The following TGFBRAP1 variants were observed in gnomAD, a reference collection of about 807,000 sequenced individuals.
The protein encoded by TGFBRAP1 is transforming growth factor-beta receptor-associated protein 1.
TGFBRAP1 carries 20 observed loss-of-function variants against 83.2 expected under a neutral mutation model. That is an observed-to-expected ratio of 0.24 (90% CI 0.17 to 0.35). The LOEUF (loss-of-function observed/expected upper bound fraction) is 0.35. Ranked by LOEUF, TGFBRAP1 falls within the 10% of genes least tolerant of loss-of-function variation. The probability of loss-of-function intolerance (pLI) is 1.00; values close to 1 mark genes in which losing one functional copy is unlikely to be tolerated. For missense variants in TGFBRAP1, 950 were observed against 1,099.4 expected (o/e 0.86, Z 1.92); for synonymous variants, 415 against 459.8 (o/e 0.90, Z 1.25).
At chr2:105,294,522 C>T (rs1312659350) in intron 4 of TGFBRAP1, among the ~76,000 whole-genome samples, 1 of 152,056 alleles carries the variant, frequency 6.6e-6, no homozygotes, top group African/African-American at 2.4e-5. Flanking sequence ...CTGTTAAAAA[C>T]GTGGGCAAAA....
rs751839912 is a variant in TGFBRAP1 at position 105,277,587 on chromosome 2, A to G, written c.1521+27T>C. 4 of 1,612,400 alleles carry G rather than the reference A, an allele frequency of 2.5e-6. No homozygotes were observed. The South Asian group carries it at 4.4e-5, about 18-fold the overall frequency. ...TTACTTACATGGTGCTGATTTTTAA[A>G]TCATGTGGAAACCCTTCTAGACTCA... On this transcript the variant is annotated intron_variant, in intron 7 of 11. Coordinates refer to ENST00000393359, the MANE Select transcript of TGFBRAP1 (RefSeq NM_004257.6).
chr2:105,259,172 G>A, the TGFBRAP1 span, among the ~76,000 whole-genome samples: 2 of 152,328 alleles, frequency 1.3e-5, no homozygotes, highest in South Asian at 2.1e-4. Flanking sequence ...TGCAATGCAG[G>A]TGTGGAAATA....
intron 4 of TGFBRAP1, among the ~76,000 whole-genome samples, chr2:105,285,498 G>T (rs1677685027): frequency 6.6e-6 from 1 of 152,166 alleles, no homozygotes; most frequent in African/African-American, 2.4e-5. Context: ...TTAAAACCAG[G>T]CCTTTCTGAT....
intron 1 of TGFBRAP1, among the ~76,000 whole-genome samples, chr2:105,314,113 A>C (rs1678776802): frequency 6.6e-6 from 1 of 152,112 alleles, no homozygotes; most frequent in Non-Finnish European, 1.5e-5. Flanking sequence ...AAGACAAGTG[A>C]AGACACAGAA....
chr2:105,308,775 C>A (rs200057300), intron 1 of TGFBRAP1, among the ~76,000 whole-genome samples: 3 of 150,654 alleles, frequency 2.0e-5, no homozygotes, highest in Non-Finnish European at 4.4e-5. Flanking sequence ...AAAAAAAAAA[C>A]AAAAAGGATT....
Position 105,311,344 on chromosome 2 carries a change from A to G in TGFBRAP1, c.-17-3026T>C, listed in dbSNP as rs1678685583. Reference sequence around the variant, plus strand: ...AATTAAATGGTAATAATGCAGAATTACATGGAGGTAAATGAAAGCTGAAGA... The same window carrying G: ...AATTAAATGGTAATAATGCAGAATTGCATGGAGGTAAATGAAAGCTGAAGA... On this transcript the variant is annotated intron_variant, in intron 1 of 11. Coordinates refer to ENST00000393359, the MANE Select transcript of TGFBRAP1 (RefSeq NM_004257.6). Among the ~76,000 whole-genome samples the G allele has an allele frequency of 2.6e-5, 4 of 152,320 alleles. No homozygotes were observed. The South Asian group carries it at 8.3e-4, about 32-fold the overall frequency.
At chr2:105,254,910 C>G in the TGFBRAP1 span, among the ~76,000 whole-genome samples, 1 of 152,124 alleles carries the variant, frequency 6.6e-6, no homozygotes, top group East Asian at 1.9e-4. Flanking sequence ...CCATCTGAAG[C>G]CAGGAAGAGA....
chr2:105,321,797 G>A (rs116613894), intron 1 of TGFBRAP1, among the ~76,000 whole-genome samples: 12 of 152,316 alleles, frequency 7.9e-5, no homozygotes, highest in African/African-American at 2.9e-4. Context: ...GGTGTTGCTG[G>A]CGTACACTAA....
intron 1 of TGFBRAP1, among the ~76,000 whole-genome samples, chr2:105,311,996 A>C (rs560781752): frequency 6.6e-6 from 1 of 152,282 alleles, no homozygotes; most frequent in Admixed American, 6.5e-5. Context: ...ATATTTACTT[A>C]GATAAAATAT....
intron 4 of TGFBRAP1, among the ~76,000 whole-genome samples, chr2:105,291,623 A>G (rs984657352): frequency 1.3e-5 from 2 of 152,214 alleles, no homozygotes; most frequent in East Asian, 1.9e-4. Flanking sequence ...ATGCTGCAAC[A>G]TGGATGAAGC....
At chr2:105,320,819 A>G (rs1679033740) in intron 1 of TGFBRAP1, among the ~76,000 whole-genome samples, 1 of 152,256 alleles carries the variant, frequency 6.6e-6, no homozygotes, top group Non-Finnish European at 1.5e-5. Flanking sequence ...AAGGGATTTC[A>G]GTAAACACTA....
intron 10 of TGFBRAP1, among the ~76,000 whole-genome samples, chr2:105,270,522 A>AAG (rs1210146253): frequency 6.6e-6 from 1 of 152,214 alleles, no homozygotes; most frequent in African/African-American, 2.4e-5. Context: ...TTACATCCTC[A>AAG]AGAGATTATA....
intron 2 of TGFBRAP1, 145 bp from the exon 3 acceptor site, chr2:105,298,850 A>G (rs1678183193): frequency 1.5e-6 from 1 of 679,442 alleles, no homozygotes; most frequent in Non-Finnish European, 2.3e-6. Flanking sequence ...AAACAATATA[A>G]TATGCTGTAT....
intron 1 of TGFBRAP1, among the ~76,000 whole-genome samples, chr2:105,313,842 AAATT>A (rs1678767093): frequency 6.6e-6 from 1 of 151,962 alleles, no homozygotes; most frequent in African/African-American, 2.4e-5. Context: ...TAAATAAAAT[AAATT>A]AATAAATTAA....
At chr2:105,290,012 G>A (rs1344581665) in intron 4 of TGFBRAP1, among the ~76,000 whole-genome samples, 2 of 152,142 alleles carry the variant, frequency 1.3e-5, no homozygotes, top group African/African-American at 4.8e-5. Context: ...TGTGCATACC[G>A]CTATATGAGA....
Position 105,307,637 on chromosome 2 carries a change from A to G in TGFBRAP1, c.665T>C (p.Leu222Pro), listed in dbSNP as rs1678549268. Residue 222 changes from leucine to proline, a missense_variant, in exon 2 of 12, where the codon CTG (leucine) becomes CCG (proline). Leu to Pro is a moderately conservative substitution (Grantham distance 98). Coordinates refer to ENST00000393359, the MANE Select transcript of TGFBRAP1 (RefSeq NM_004257.6). Reference protein sequence around the residue: ...IVKRIGRQEFLLAGPGGLGMF... With the variant: ...IVKRIGRQEFPLAGPGGLGMF... ...ACCCAGCCCTCCGGGGCCCGCCAGCAGGAACTCCTGTCTCCCTATCCTCTT... is the reference window on the plus strand; with the variant it reads ...ACCCAGCCCTCCGGGGCCCGCCAGCGGGAACTCCTGTCTCCCTATCCTCTT... 6.2e-7 allele frequency: 1 copy of G among 1,612,500 alleles called. No homozygotes were observed. Among genetic ancestry groups the G allele is most frequent in the African/African-American group, 1.3e-5 (1 of 74,898 alleles).
the TGFBRAP1 span, among the ~76,000 whole-genome samples, chr2:105,250,606 C>T: frequency 7.6e-6 from 1 of 131,956 alleles, no homozygotes; most frequent in Non-Finnish European, 1.8e-5. Context: ...CCTCCTCTCC[C>T]TCTCCCTCCT....
At chr2:105,273,133 G>A (rs1172941773) in intron 9 of TGFBRAP1, 119 bp from the exon 10 acceptor site, 4 of 1,278,846 alleles carry the variant, frequency 3.1e-6, no homozygotes, top group Admixed American at 4.9e-5. Context: ...CTGGGCAGAT[G>A]CTCACTTGCT....
At chr2:105,258,850 A>G in the TGFBRAP1 span, among the ~76,000 whole-genome samples, 230 of 152,064 alleles carry the variant, frequency 1.5e-3, 2 homozygotes, top group East Asian at 0.035. Flanking sequence ...TGGCACGGCC[A>G]TGGCAGTGGG....
Sources: allele counts gnomAD v4.1 joint callset (sites outside exome capture counted in the v4.1 genomes callset), GRCh38; gene constraint gnomAD v4.1.1; transcripts MANE v1.5; gene names NCBI Gene and HGNC (gene_info 2026-07-23, HGNC 2026-07-21).